TRPA1: variants seen among roughly 807,000 people sequenced by gnomAD.
TRPA1 encodes transient receptor potential cation channel subfamily A member 1.
Under a neutral mutation model 131.3 loss-of-function variants are expected in TRPA1, and 129 were observed. The observed-to-expected ratio is 0.98, with a 90% CI of 0.85 to 1.14. The LOEUF (loss-of-function observed/expected upper bound fraction) is 1.14, where lower values mean the gene tolerates loss of function less well. Among genes scored for constraint, TRPA1 ranks in the 50% most tolerant of loss-of-function variants. The pLI is 0.00. For synonymous variants in TRPA1, 441 were observed against 451.7 expected (o/e 0.98, Z 0.30); for missense variants, 1,304 against 1,354.2 (o/e 0.96, Z 0.58).
chr8:72,030,220 A>C (rs952734789), intron 23 of TRPA1, among the ~76,000 whole-genome samples: 1 of 152,172 alleles, frequency 6.6e-6, no homozygotes, highest in African/African-American at 2.4e-5. Context: ...TATGGCAGAA[A>C]GGCAAAGGAG....
the TRPA1 span, among the ~76,000 whole-genome samples, chr8:72,086,701 A>G: frequency 3.3e-5 from 5 of 152,166 alleles, no homozygotes; most frequent in African/African-American, 1.2e-4. Context: ...CCTTCTTGGT[A>G]TTCTGAAATA....
At chr8:72,088,864 G>A in the TRPA1 span, among the ~76,000 whole-genome samples, 2 of 152,100 alleles carry the variant, frequency 1.3e-5, no homozygotes, top group African/African-American at 4.8e-5. Context: ...ATCCAAAGCA[G>A]CACCATTCCC....
rs773693609 is a variant in TRPA1 at position 72,075,419 on chromosome 8, C to T, written c.-10G>A. On this transcript the variant is annotated 5_prime_UTR_variant, in exon 1 of 27. Coordinates refer to ENST00000262209, the MANE Select transcript of TRPA1 (RefSeq NM_007332.3). ...TCAGGCTGCGCTTCATTGACCCCAC[C>T]CCGGACGCCACCTGGTGCAGCTGCT... 3.1e-6 allele frequency: 5 copies of T among 1,599,520 alleles called. No individual in the cohort carries two copies. Among genetic ancestry groups the T allele is most frequent in the African/African-American group, 2.7e-5 (2 of 74,868 alleles).
chr8:72,056,359 A>G, intron 10 of TRPA1: 1 of 168,584 alleles, frequency 5.9e-6, no homozygotes, highest in South Asian at 1.5e-4. Flanking sequence ...TTATTTTTTA[A>G]ATATTCAAAC....
chr8:72,075,257 C>T (rs747971510), intron 1 of TRPA1, 42 bp downstream of exon 1: 5 of 1,509,020 alleles, frequency 3.3e-6, no homozygotes, highest in Non-Finnish European at 3.7e-6. Context: ...GACCCCCGCC[C>T]GCACGTCGGA....
intron 3 of TRPA1, among the ~76,000 whole-genome samples, chr8:72,066,330 T>A (rs1015430162): frequency 9.9e-5 from 15 of 152,240 alleles, no homozygotes; most frequent in African/African-American, 1.9e-4. Context: ...TTATCTCATA[T>A]AAATGTCTCA....
chr8:72,045,663 C>T (rs1812404618), intron 17 of TRPA1, among the ~76,000 whole-genome samples: 1 of 151,118 alleles, frequency 6.6e-6, no homozygotes, highest in Non-Finnish European at 1.5e-5. Flanking sequence ...AATATTTACA[C>T]AATTGTGGGC....
intron 21 of TRPA1, 119 bp downstream of exon 21, chr8:72,036,169 A>T: frequency 9.3e-7 from 1 of 1,080,440 alleles, no homozygotes; most frequent in Non-Finnish European, 1.3e-6. Context: ...AAAATTCTTC[A>T]TATTTTGAAA....
intron 2 of TRPA1, among the ~76,000 whole-genome samples, chr8:72,069,648 A>G (rs1345837167): frequency 2.0e-5 from 3 of 152,178 alleles, no homozygotes. Context: ...CAGAGAGGTT[A>G]AAAGTCTTGC....
intron 3 of TRPA1, 25 bp downstream of exon 3, chr8:72,068,998 C>G (rs1325944830): frequency 1.2e-6 from 2 of 1,614,098 alleles, no homozygotes; most frequent in Non-Finnish European, 1.7e-6. Flanking sequence ...CGGTCAGGCC[C>G]TTTGGAGCCG....
At chr8:72,042,475 A>C (rs1233042211) in intron 17 of TRPA1, among the ~76,000 whole-genome samples, 1 of 151,880 alleles carries the variant, frequency 6.6e-6, no homozygotes, top group Admixed American at 6.6e-5. Context: ...GGAATGTAAA[A>C]TGGAACAGTC....
At chr8:72,050,141 T>C (rs1407339034) in intron 15 of TRPA1, among the ~76,000 whole-genome samples, 4 of 152,136 alleles carry the variant, frequency 2.6e-5, no homozygotes, top group Admixed American at 2.6e-4. Flanking sequence ...CCCCACCCTG[T>C]GTCCAAGTGT....
chr8:72,072,963 G>C (rs1459355379), intron 1 of TRPA1, among the ~76,000 whole-genome samples: 2 of 152,056 alleles, frequency 1.3e-5, no homozygotes, highest in African/African-American at 4.8e-5. Context: ...GACGTTGTCA[G>C]GCTTTGAAAA....
In TRPA1 at chr8:72,069,141, T is replaced by A. The variant is rs1026265054; in HGVS notation, c.326A>T (p.Asn109Ile). 1 of 1,614,072 alleles carries A rather than the reference T, an allele frequency of 6.2e-7. No individual in the cohort carries two copies. The highest frequency in any genetic ancestry group is 2.2e-5 in the East Asian group (1 of 44,896). The stretch of plus-strand genomic sequence containing the variant: ...AAGAAACTTAACGCTTTCAATTTGG[T>A]TTTTTTCTACAGCACAATGCAGAGG... ...NTPLHCAVEK[N>I]QIESVKFLLS... The change falls in exon 3 of 27, where the codon AAC becomes ATC. Residue 109 changes from asparagine (N) to isoleucine (I), a missense_variant. Physicochemically the swap from Asn to Ile is moderately radical, Grantham distance 149. Coordinates refer to ENST00000262209, the MANE Select transcript of TRPA1 (RefSeq NM_007332.3).
chr8:72,031,485 G>T (rs1811812510), intron 23 of TRPA1, among the ~76,000 whole-genome samples: 1 of 151,776 alleles, frequency 6.6e-6, no homozygotes, highest in Admixed American at 6.6e-5. Flanking sequence ...GGCTGAGGTG[G>T]GAGGATCAGC....
intron 24 of TRPA1, among the ~76,000 whole-genome samples, chr8:72,027,436 C>T (rs893466347): frequency 6.6e-6 from 1 of 152,138 alleles, no homozygotes; most frequent in Non-Finnish European, 1.5e-5. Flanking sequence ...TGCGGATTTC[C>T]CTTTCTAATT....
rs180873628 is a variant in TRPA1 at position 72,038,778 on chromosome 8, T to C, written c.2295+87A>G. The stretch of plus-strand genomic sequence containing the variant: ...GGCTATTTATAATAAAGTCCTGATA[T>C]GTCAGATTTATTATGGGTTTAGTAG... On this transcript the variant is annotated intron_variant, in intron 19 of 26. Coordinates refer to ENST00000262209, the MANE Select transcript of TRPA1 (RefSeq NM_007332.3). 1.2e-4 allele frequency: 133 copies of C among 1,146,952 alleles called. No individual in the cohort carries two copies. The Middle Eastern group carries it at 1.4e-3, about 12-fold the overall frequency. The allele number at this position is 1,146,952 out of a possible 1,614,324, so 71.0% of individuals were successfully genotyped here. A position where few individuals can be genotyped will look rare whatever the true frequency, so the allele number is the denominator to read the frequency against.
rs777441371 is a variant in TRPA1, at chr8:72,071,743, A to G, written c.236T>C (p.Met79Thr). Residue 79 changes from methionine (M) to threonine (T), a missense_variant, in exon 2 of 27, where the codon ATG becomes ACG. Met to Thr is a moderately conservative substitution (Grantham distance 81, BLOSUM62 -1). Coordinates refer to ENST00000262209, the MANE Select transcript of TRPA1 (RefSeq NM_007332.3). ...YAAAEGQIELMEKITRDSSLE... is the reference protein window; with the variant it reads ...YAAAEGQIELTEKITRDSSLE... ...AGAGGAATCTCTGGTGATCTTCTCCATTAGCTCAATTTGGCCTTCTGCTGC... is the reference window on the plus strand; with the variant it reads ...AGAGGAATCTCTGGTGATCTTCTCCGTTAGCTCAATTTGGCCTTCTGCTGC... The G allele has an allele frequency of 1.2e-6, 2 of 1,613,852 alleles. No homozygotes were observed. The highest frequency in any genetic ancestry group is 8.5e-7 in the Non-Finnish European group (1 of 1,179,866).
intron 1 of TRPA1, 31 bp from the exon 2 acceptor site, chr8:72,071,898 C>A (rs1234139233): frequency 1.9e-6 from 3 of 1,601,168 alleles, no homozygotes; most frequent in African/African-American, 1.3e-5. Context: ...TTATACCAAA[C>A]AAGCATATGC....
Sources: allele counts gnomAD v4.1 joint callset (sites outside exome capture counted in the v4.1 genomes callset), GRCh38; gene constraint gnomAD v4.1.1; transcripts MANE v1.5; gene names NCBI Gene and HGNC (gene_info 2026-07-23, HGNC 2026-07-21).